GPC6: variants seen among roughly 807,000 people sequenced by gnomAD.
GPC6 encodes glypican 6, also known as glypican-6.
GPC6 carries 14 observed loss-of-function variants against 55.2 expected under a neutral mutation model. That is an observed-to-expected ratio of 0.25 (90% CI 0.17 to 0.40). The LOEUF (loss-of-function observed/expected upper bound fraction) is 0.40. Among genes scored for constraint, GPC6 ranks in the 10% least tolerant of loss-of-function variants. The pLI is 1.00. For synonymous variants in GPC6, 278 were observed against 259.6 expected (o/e 1.07, Z -0.68); for missense variants, 641 against 708.5 (o/e 0.90, Z 1.08).
chr13:93,734,096 T>A (rs1352069548), intron 2 of GPC6, among the ~76,000 whole-genome samples: 1 of 92,306 alleles, frequency 1.1e-5, no homozygotes, highest in Non-Finnish European at 2.2e-5. Context: ...AGGATTAGAA[T>A]TCTGCAGTTT....
At chr13:94,348,921 C>A (rs1049680382) in intron 6 of GPC6, among the ~76,000 whole-genome samples, 1 of 152,194 alleles carries the variant, frequency 6.6e-6, no homozygotes, top group Non-Finnish European at 1.5e-5. Context: ...ACCCTATCTT[C>A]CTCCTCAGAA....
At chr13:93,845,896 G>A (rs1160001549) in intron 3 of GPC6, among the ~76,000 whole-genome samples, 43 of 150,800 alleles carry the variant, frequency 2.9e-4, no homozygotes, top group Admixed American at 2.2e-3. Flanking sequence ...TGACGAGTTA[G>A]TGGGTGCAGC....
At chr13:94,201,119 T>G (rs1376684031) in intron 4 of GPC6, among the ~76,000 whole-genome samples, 1 of 152,216 alleles carries the variant, frequency 6.6e-6, no homozygotes, top group Non-Finnish European at 1.5e-5. Context: ...CCCTCCTGGT[T>G]CACTTCCTCA....
chr13:93,407,093 A>G (rs1041398829), intron 1 of GPC6, among the ~76,000 whole-genome samples: 4 of 152,122 alleles, frequency 2.6e-5, no homozygotes, highest in Non-Finnish European at 4.4e-5. Flanking sequence ...TGTATCACCA[A>G]TGTTAAGTTT....
chr13:94,034,365 T>C (rs1444868577), intron 4 of GPC6, among the ~76,000 whole-genome samples: 1 of 152,148 alleles, frequency 6.6e-6, no homozygotes, highest in East Asian at 1.9e-4. Context: ...TGTGAAAGTG[T>C]TTTTATGTGA....
At chr13:93,534,675 GA>G (rs1168423182) in intron 1 of GPC6, among the ~76,000 whole-genome samples, 1 of 152,160 alleles carries the variant, frequency 6.6e-6, no homozygotes, top group Non-Finnish European at 1.5e-5. Flanking sequence ...AAGCATTTGG[GA>G]AAATATCTTG....
At chr13:93,376,908 A>G (rs528925284) in intron 1 of GPC6, among the ~76,000 whole-genome samples, 14 of 151,924 alleles carry the variant, frequency 9.2e-5, no homozygotes, top group African/African-American at 2.7e-4. Context: ...GAATGCTTAT[A>G]TTAGGAATTG....
At chr13:94,063,368 G>A (rs1884402113) in intron 4 of GPC6, among the ~76,000 whole-genome samples, 1 of 152,216 alleles carries the variant, frequency 6.6e-6, no homozygotes, top group Admixed American at 6.5e-5. Context: ...GCAAGGGAGG[G>A]CTGTTATGTT....
At chr13:93,342,455 A>T (rs1258640136) in intron 1 of GPC6, among the ~76,000 whole-genome samples, 3 of 152,108 alleles carry the variant, frequency 2.0e-5, no homozygotes, top group Admixed American at 6.5e-5. Flanking sequence ...TGAAACCATG[A>T]GATCTCATAA....
At chr13:94,008,645 A>G (rs1882117062) in intron 3 of GPC6, among the ~76,000 whole-genome samples, 1 of 152,164 alleles carries the variant, frequency 6.6e-6, no homozygotes. Context: ...GAGCAAGACT[A>G]GGTCTCTAAA....
chr13:93,513,253 A>G (rs537707292), intron 1 of GPC6, among the ~76,000 whole-genome samples: 39 of 152,314 alleles, frequency 2.6e-4, no homozygotes, highest in African/African-American at 8.7e-4. Flanking sequence ...ACTCTCATCA[A>G]TAGAATCATT....
chr13:94,260,263 G>C (rs1237065160), intron 4 of GPC6, among the ~76,000 whole-genome samples: 2 of 152,150 alleles, frequency 1.3e-5, no homozygotes, highest in African/African-American at 4.8e-5. Context: ...TCAGCCTGAG[G>C]ATTCAGAAGT....
intron 3 of GPC6, among the ~76,000 whole-genome samples, chr13:94,005,725 C>T (rs966322574): frequency 2.6e-5 from 4 of 152,086 alleles, no homozygotes; most frequent in Non-Finnish European, 4.4e-5. Context: ...CAAAAATGAG[C>T]CCTAGAATAT....
At chr13:93,300,961 C>T (rs1274687960) in intron 1 of GPC6, among the ~76,000 whole-genome samples, 1 of 151,904 alleles carries the variant, frequency 6.6e-6, no homozygotes, top group Non-Finnish European at 1.5e-5. Context: ...AGAGGTTGCC[C>T]TGAGCCAAGA....
chr13:93,317,962 C>T (rs559813473), intron 1 of GPC6, among the ~76,000 whole-genome samples: 1 of 152,272 alleles, frequency 6.6e-6, no homozygotes, highest in East Asian at 1.9e-4. Context: ...ACTCTTAATG[C>T]TTTTTGTCAT....
intron 2 of GPC6, among the ~76,000 whole-genome samples, chr13:93,732,907 A>G (rs1346643898): frequency 6.6e-6 from 1 of 152,124 alleles, no homozygotes; most frequent in Non-Finnish European, 1.5e-5. Flanking sequence ...AAAATTATTA[A>G]TGAAATATTT....
At chr13:93,655,549 T>G (rs1880623581) in intron 2 of GPC6, among the ~76,000 whole-genome samples, 1 of 152,184 alleles carries the variant, frequency 6.6e-6, no homozygotes, top group African/African-American at 2.4e-5. Context: ...ATTCTCTGTT[T>G]AAACATTTTT....
chr13:93,973,346 C>T (rs781391705), intron 3 of GPC6, among the ~76,000 whole-genome samples: 1 of 152,136 alleles, frequency 6.6e-6, no homozygotes, highest in Non-Finnish European at 1.5e-5. Context: ...ATAATATATG[C>T]AGTCCATCAT....
chr13:93,427,212 G>A (rs557290746), intron 1 of GPC6, among the ~76,000 whole-genome samples: 1 of 152,008 alleles, frequency 6.6e-6, no homozygotes, highest in African/African-American at 2.4e-5. Flanking sequence ...TCTCCATCAA[G>A]CTACCAATGA....
Sources: gnomAD v4.1 joint callset for allele counts (sites outside exome capture counted in the v4.1 genomes callset) on GRCh38, gnomAD v4.1.1 for gene constraint, MANE v1.5 for transcripts, NCBI Gene and HGNC (gene_info 2026-07-23, HGNC 2026-07-21) for gene names.